The following TP63 variants were observed in gnomAD, a reference collection of about 807,000 sequenced individuals.
TP63 encodes the protein tumor protein 63.
A neutral mutation model predicts 82.8 loss-of-function variants in TP63; 17 were observed. The observed-to-expected ratio is 0.21, with a 90% CI of 0.14 to 0.31. TP63 has a LOEUF of 0.31. Ranked by LOEUF, TP63 falls within the 10% of genes least tolerant of loss-of-function variation. The probability of loss-of-function intolerance (pLI) is 1.00; values close to 1 mark genes in which losing one functional copy is unlikely to be tolerated. For synonymous variants in TP63, 330 were observed against 321.7 expected, an observed-to-expected ratio of 1.03 and a Z score of -0.28; for missense variants, 648 against 895.3, an observed-to-expected ratio of 0.72 and a Z score of 3.52.
intron 1 of TP63, among the ~76,000 whole-genome samples, chr3:189,661,235 A>G (rs1713854105): frequency 6.6e-6 from 1 of 151,868 alleles, no homozygotes; most frequent in Non-Finnish European, 1.5e-5. Flanking sequence ...TATTATTTTG[A>G]GGTATATTCC....
chr3:189,633,723 C>G (rs1310710893), intron 1 of TP63, among the ~76,000 whole-genome samples: 1 of 151,988 alleles, frequency 6.6e-6, no homozygotes, highest in Non-Finnish European at 1.5e-5. Context: ...CAATTATTTG[C>G]CTAATAAATA....
At chr3:189,637,051 A>G (rs1319659291) in intron 1 of TP63, among the ~76,000 whole-genome samples, 1 of 152,088 alleles carries the variant, frequency 6.6e-6, no homozygotes, top group Non-Finnish European at 1.5e-5. Flanking sequence ...GGTGGAAGGT[A>G]GAAACCAACC....
At chr3:189,867,164 A>G (rs985310639) in intron 6 of TP63, among the ~76,000 whole-genome samples, 4 of 152,196 alleles carry the variant, frequency 2.6e-5, no homozygotes, top group African/African-American at 9.6e-5. Context: ...GGGAAAGCCT[A>G]AGAGGGATCT....
intron 3 of TP63, among the ~76,000 whole-genome samples, chr3:189,787,944 C>G (rs759460703): frequency 2.0e-5 from 3 of 152,026 alleles, no homozygotes; most frequent in Non-Finnish European, 2.9e-5. Flanking sequence ...TTTTCAGGAT[C>G]ATCCAAGTTT....
At chr3:189,789,735 G>C (rs1049647566) in intron 3 of TP63, 7 of 1,536,088 alleles carry the variant, frequency 4.6e-6, no homozygotes, top group East Asian at 2.5e-5. Context: ...GTCTCGGGGT[G>C]GGGGGGTTGG....
rs138989064 is a variant in TP63 at position 189,768,101 on chromosome 3, G to A, written c.324+29327G>A. 4.3e-3 allele frequency among the ~76,000 whole-genome samples: 654 copies of A among 152,176 alleles called. 7 individuals are homozygous for A. Among genetic ancestry groups the A allele is most frequent in the African/African-American group, 0.015 (623 of 41,536 alleles). On this transcript the variant is annotated intron_variant, in intron 3 of 13. Transcript: ENST00000264731. Reference sequence around the variant, plus strand: ...CAGGCTCTGTGTTCAAACCCCCCGCGTGTATGAATAACTAACCATCTCTAG... The same window carrying A: ...CAGGCTCTGTGTTCAAACCCCCCGCATGTATGAATAACTAACCATCTCTAG...
chr3:189,597,516 A>G, the TP63 span, among the ~76,000 whole-genome samples: 1 of 152,258 alleles, frequency 6.6e-6, no homozygotes, highest in African/African-American at 2.4e-5. Context: ...ATCAAATTTA[A>G]AATGACAAAA....
At chr3:189,652,854 C>T (rs1426745120) in intron 1 of TP63, among the ~76,000 whole-genome samples, 1 of 146,748 alleles carries the variant, frequency 6.8e-6, no homozygotes, top group Non-Finnish European at 1.5e-5. Flanking sequence ...GGCGCTCATT[C>T]TTCTCCTTCC....
chr3:189,831,523 A>T (rs944469671), intron 4 of TP63, among the ~76,000 whole-genome samples: 3 of 151,576 alleles, frequency 2.0e-5, no homozygotes, highest in Non-Finnish European at 4.4e-5. Context: ...CATGTTGAGG[A>T]TGAGGACACG....
At chr3:189,629,801 C>G (rs756640408), upstream of TP63, among the ~76,000 whole-genome samples, 8 of 152,178 alleles carry the variant, frequency 5.3e-5, no homozygotes, top group Non-Finnish European at 1.0e-4. Flanking sequence ...TGGCTGTGGT[C>G]ACAGGAAATT....
At chr3:189,884,800 TA>T (rs1720269350) in intron 10 of TP63, among the ~76,000 whole-genome samples, 1 of 152,222 alleles carries the variant, frequency 6.6e-6, no homozygotes, top group Admixed American at 6.5e-5. Flanking sequence ...TGATAATTTA[TA>T]CACATTAAAA....
Position 189,738,704 on chromosome 3 carries a change from C to T in TP63, c.254C>T (p.Ala85Val), listed in dbSNP as rs750962649. 5.0e-5 allele frequency: 80 copies of T among 1,613,974 alleles called. No homozygotes were observed. The highest frequency in any genetic ancestry group is 9.9e-5 in the South Asian group (9 of 91,078). Residue 85 changes from alanine (A) to valine (V), a missense_variant, in exon 3 of 14, where the codon GCG becomes GTG. Around this residue, in one of 5 missense-constraint regions of TP63, gnomAD observed 182 missense variants for 213.6 expected, o/e 0.85. Transcript: ENST00000264731. ...GTGGATGAACCATCAGAAGATGGTG[C>T]GACAAACAAGATTGAGATTAGCATG... ...NFVDEPSEDGATNKIEISMDC... is the reference protein window; with the variant it reads ...NFVDEPSEDGVTNKIEISMDC...
At chr3:189,665,163 C>T (rs1395045354) in intron 1 of TP63, among the ~76,000 whole-genome samples, 1 of 152,036 alleles carries the variant, frequency 6.6e-6, no homozygotes, top group Non-Finnish European at 1.5e-5. Context: ...GTACTACCAC[C>T]CGTGGTTTTC....
intron 1 of TP63, among the ~76,000 whole-genome samples, chr3:189,653,130 T>TCCA (rs1244806160): frequency 6.6e-6 from 1 of 152,100 alleles, no homozygotes; most frequent in African/African-American, 2.4e-5. Context: ...AAATGGAGAA[T>TCCA]TTAATAGCAT....
At chr3:189,641,026 TAAG>T (rs1711815447) in intron 1 of TP63, among the ~76,000 whole-genome samples, 1 of 152,146 alleles carries the variant, frequency 6.6e-6, no homozygotes, top group Non-Finnish European at 1.5e-5. Context: ...TAAGTACATT[TAAG>T]AAGATTTGTA....
At chr3:189,642,374 CTT>C (rs1711968746) in intron 1 of TP63, among the ~76,000 whole-genome samples, 1 of 152,146 alleles carries the variant, frequency 6.6e-6, no homozygotes. Flanking sequence ...GTTCCAAGCA[CTT>C]TACACATTTA....
intron 3 of TP63, among the ~76,000 whole-genome samples, chr3:189,789,469 T>TTTTC (rs1238563676): frequency 6.6e-6 from 1 of 151,826 alleles, no homozygotes; most frequent in African/African-American, 2.4e-5. Flanking sequence ...TTTGTTTTTT[T>TTTTC]TTTCTTTCTT....
intron 3 of TP63, among the ~76,000 whole-genome samples, chr3:189,744,492 GAAAA>G (rs1481770490): frequency 4.4e-4 from 67 of 152,306 alleles, no homozygotes; most frequent in Middle Eastern, 3.4e-3. Flanking sequence ...CCAGGGGCCT[GAAAA>G]TTGCCCATTT....
At position 189,894,246 on chromosome 3, in the gene TP63, C is replaced by T. The variant is rs773237715; in HGVS notation, c.1787C>T (p.Ala596Val). The part of the protein sequence containing the change: ...SLKIPEQFRH[A>V]IWKGILDHRQ... ...AAAATCCCTGAGCAATTTCGACATG[C>T]GATCTGGAAGGGCATCCTGGACCAC... is the stretch of plus-strand genomic sequence containing the variant. Residue 596 changes from alanine to valine, a missense_variant, in exon 14 of 14, where the codon GCG becomes GTG. Coordinates refer to ENST00000264731, the MANE Select transcript of TP63 (RefSeq NM_003722.5). The T allele has an allele frequency of 1.1e-5, 17 of 1,613,926 alleles. No individual in the cohort carries two copies. Among genetic ancestry groups the T allele is most frequent in the African/African-American group, 5.3e-5 (4 of 74,866 alleles).
Sources: allele counts gnomAD v4.1 joint callset (sites outside exome capture counted in the v4.1 genomes callset), GRCh38; gene constraint gnomAD v4.1.1; regional missense constraint gnomAD v4.1.1; transcripts MANE v1.5; gene names NCBI Gene and HGNC (gene_info 2026-07-23, HGNC 2026-07-21).